Variants in FAM193A observed in about 807,000 individuals in gnomAD.
The protein encoded by FAM193A is family with sequence similarity 193 member A.
FAM193A carries 22 observed loss-of-function variants against 126.5 expected under a neutral mutation model. That is an observed-to-expected ratio of 0.17 (90% CI 0.12 to 0.25). The LOEUF is 0.25. Among genes scored for constraint, FAM193A ranks in the 10% least tolerant of loss-of-function variants. The pLI is 1.00. For synonymous variants in FAM193A, 761 were observed against 646.8 expected, an observed-to-expected ratio of 1.18 and a Z score of -2.68; for missense variants, 1,675 against 1,672.8, an observed-to-expected ratio of 1.00 and a Z score of -0.02.
intron 1 of FAM193A, among the ~76,000 whole-genome samples, chr4:2,578,990 G>A (rs1462167179): frequency 2.6e-5 from 4 of 151,930 alleles, no homozygotes; most frequent in Admixed American, 1.3e-4. Context: ...TGTTGAGGCA[G>A]GGTCTCGCTC....
At chr4:2,642,064 G>C (rs1446798817) in intron 6 of FAM193A, among the ~76,000 whole-genome samples, 1 of 151,132 alleles carries the variant, frequency 6.6e-6, no homozygotes, top group Admixed American at 6.6e-5. Context: ...GTCGAGGCGG[G>C]CAGATCATGA....
intron 1 of FAM193A, among the ~76,000 whole-genome samples, chr4:2,569,543 G>A (rs1739170867): frequency 6.6e-6 from 1 of 152,048 alleles, no homozygotes; most frequent in Non-Finnish European, 1.5e-5. Flanking sequence ...CCGTCACCCG[G>A]TCCGGAGTGC....
In FAM193A at chr4:2,717,213, T is replaced by C. The variant is rs545680934; in HGVS notation, c.4454+1109T>C. ...CAGGCAGGTCTCAAACTCTTGACTT[T>C]AAGTGATGCACTCACCTCAGCCTCC... is the stretch of plus-strand genomic sequence containing the variant. On this transcript the variant is annotated intron_variant, in intron 20 of 20. Coordinates refer to ENST00000637812, the MANE Select transcript of FAM193A (RefSeq NM_001366318.2). 9.9e-5 allele frequency among the ~76,000 whole-genome samples: 15 copies of C among 151,798 alleles called. No homozygotes were observed. The East Asian group carries it at 2.5e-3, about 26-fold the overall frequency.
chr4:2,558,900 C>G (rs1223405472), intron 1 of FAM193A, among the ~76,000 whole-genome samples: 2 of 152,154 alleles, frequency 1.3e-5, no homozygotes, highest in African/African-American at 2.4e-5. Context: ...ACTCAGGAGG[C>G]TAAGGCAGGA....
chr4:2,710,117 T>A (rs963468553), intron 19 of FAM193A, among the ~76,000 whole-genome samples: 2 of 151,708 alleles, frequency 1.3e-5, no homozygotes, highest in East Asian at 1.9e-4. Context: ...GTTAGTTTTT[T>A]AAAATCATCT....
At chr4:2,704,867 C>G (rs765439042) in intron 19 of FAM193A, among the ~76,000 whole-genome samples, 1 of 152,154 alleles carries the variant, frequency 6.6e-6, no homozygotes, top group African/African-American at 2.4e-5. Context: ...ATACCTATTT[C>G]TCATTTCTTA....
chr4:2,607,290 A>G (rs572487085), intron 2 of FAM193A, among the ~76,000 whole-genome samples: 1 of 152,324 alleles, frequency 6.6e-6, no homozygotes, highest in South Asian at 2.1e-4. Flanking sequence ...GCAGTGAAGA[A>G]TGCAGCAGCC....
intron 1 of FAM193A, among the ~76,000 whole-genome samples, chr4:2,545,641 T>C (rs771593989): frequency 6.6e-6 from 1 of 152,192 alleles, no homozygotes; most frequent in Non-Finnish European, 1.5e-5. Flanking sequence ...GGTACTGTTA[T>C]ATGCTAATTT....
At chr4:2,637,470 AAGAC>A (rs1217726868) in intron 5 of FAM193A, among the ~76,000 whole-genome samples, 1 of 152,208 alleles carries the variant, frequency 6.6e-6, no homozygotes, top group South Asian at 2.1e-4. Flanking sequence ...TTCATCGACA[AAGAC>A]AGAAAGATCT....
chr4:2,669,125 G>T (rs1313969838), intron 12 of FAM193A, among the ~76,000 whole-genome samples: 3 of 152,152 alleles, frequency 2.0e-5, no homozygotes, highest in African/African-American at 7.2e-5. Flanking sequence ...TTACAGGCAT[G>T]AGCTACCACG....
intron 1 of FAM193A, among the ~76,000 whole-genome samples, chr4:2,565,291 C>T (rs1049334886): frequency 1.5e-4 from 18 of 117,226 alleles, no homozygotes; most frequent in Non-Finnish European, 2.4e-4. Flanking sequence ...GATGCAGTCT[C>T]CCTCTGTCGC....
chr4:2,590,165 A>C (rs978445895), intron 1 of FAM193A, among the ~76,000 whole-genome samples: 1 of 146,450 alleles, frequency 6.8e-6, no homozygotes, highest in African/African-American at 2.5e-5. Flanking sequence ...AAAGAAAAGG[A>C]TCATATATAA....
intron 20 of FAM193A, 30 bp downstream of exon 20, chr4:2,716,134 G>A (rs1719505470): frequency 1.4e-6 from 2 of 1,394,266 alleles, no homozygotes; most frequent in Non-Finnish European, 2.0e-6. Context: ...CTGAAACCGT[G>A]GTGACTGTGT....
chr4:2,681,652 G>A (rs939432375), intron 13 of FAM193A, among the ~76,000 whole-genome samples: 1 of 152,030 alleles, frequency 6.6e-6, no homozygotes, highest in Non-Finnish European at 1.5e-5. Context: ...ACGTAGGGAC[G>A]GAGGTCTCAC....
chr4:2,697,974 G>T (rs1717230040), intron 18 of FAM193A, among the ~76,000 whole-genome samples: 1 of 152,202 alleles, frequency 6.6e-6, no homozygotes, highest in Non-Finnish European at 1.5e-5. Flanking sequence ...CTTGCAGGTG[G>T]TCTGAATCCA....
At chr4:2,594,445 G>A (rs768055098) in intron 1 of FAM193A, among the ~76,000 whole-genome samples, 3 of 152,176 alleles carry the variant, frequency 2.0e-5, no homozygotes, top group Non-Finnish European at 2.9e-5. Context: ...CCAGAACAGC[G>A]TCAGCTGGGT....
chr4:2,594,298 CA>C (rs1740726925), intron 1 of FAM193A, among the ~76,000 whole-genome samples: 1 of 152,138 alleles, frequency 6.6e-6, no homozygotes, highest in Admixed American at 6.6e-5. Context: ...AGTGGCTGTT[CA>C]GGGGCCAATC....
intron 4 of FAM193A, among the ~76,000 whole-genome samples, chr4:2,628,008 C>T (rs1232646890): frequency 6.6e-6 from 1 of 152,034 alleles, no homozygotes; most frequent in African/African-American, 2.4e-5. Context: ...TCCCAAAGTG[C>T]TGAGATTACA....
chr4:2,729,759 C>T (rs971293689), intron 20 of FAM193A, among the ~76,000 whole-genome samples: 30 of 152,084 alleles, frequency 2.0e-4, no homozygotes, highest in African/African-American at 6.0e-4. Context: ...CACAGGTGTG[C>T]GCCACCACAC....
Sources: gnomAD v4.1 joint callset for allele counts (sites outside exome capture counted in the v4.1 genomes callset) on GRCh38, gnomAD v4.1.1 for gene constraint, MANE v1.5 for transcripts, NCBI Gene and HGNC (gene_info 2026-07-23, HGNC 2026-07-21) for gene names.